PRPS2: variants seen among roughly 807,000 people sequenced by gnomAD.
PRPS2 encodes the protein phosphoribosyl pyrophosphate synthetase 2.
For synonymous variants in PRPS2, 111 were observed against 115.3 expected (o/e 0.96, Z 0.24); for missense variants, 104 against 271.5 (o/e 0.38, Z 4.34).
intron 1 of PRPS2, among the ~76,000 whole-genome samples, chrX:12,793,857 T>G (rs892039715): frequency 7.1e-5 from 8 of 112,195 alleles, no homozygotes; most frequent in Non-Finnish European, 1.5e-4. Flanking sequence ...CCTTCCAATT[T>G]TACCTTCTTA....
intron 3 of PRPS2, 54 bp downstream of exon 3, chrX:12,809,386 A>G (rs888838684): frequency 3.0e-5 from 33 of 1,090,945 alleles, no homozygotes; most frequent in Non-Finnish European, 3.8e-5. Context: ...AAATTAAATA[A>G]TCTTAGGTAA....
intron 2 of PRPS2, among the ~76,000 whole-genome samples, chrX:12,807,533 C>A (rs1281518550): frequency 1.2e-4 from 14 of 112,297 alleles, no homozygotes; most frequent in Non-Finnish European, 5.6e-5. Flanking sequence ...ATAATTCTCA[C>A]AATTAGTGAG....
rs773406393 is a variant in PRPS2, at chrX:12,791,623, G to A, written c.122+4G>A. On this transcript the variant is annotated splice_donor_region_variant and intron_variant, in intron 1 of 6. Coordinates refer to ENST00000380668, the MANE Select transcript of PRPS2 (RefSeq NM_002765.5). ...AGTTCAGCAACCAGGAGACCAGGTGGGGGCCGCGCCGGCGGCCGGGCTAGG... is the reference window on the plus strand; with the variant it reads ...AGTTCAGCAACCAGGAGACCAGGTGAGGGCCGCGCCGGCGGCCGGGCTAGG... 4 of 1,142,489 alleles carry A rather than the reference G, an allele frequency of 3.5e-6. No individual in the cohort carries two copies. The South Asian group carries it at 8.2e-5, about 23-fold the overall frequency. The allele number at this position is 1,142,489 out of a possible 1,213,427, so 94.2% of individuals were successfully genotyped here.
intron 2 of PRPS2, among the ~76,000 whole-genome samples, chrX:12,800,960 T>G (rs2042566267): frequency 8.9e-6 from 1 of 112,160 alleles, no homozygotes; most frequent in African/African-American, 3.2e-5. Context: ...AAAAGAGCAA[T>G]AGACAATATG....
At chrX:12,804,526 G>A (rs1223048801) in intron 2 of PRPS2, among the ~76,000 whole-genome samples, 1 of 111,182 alleles carries the variant, frequency 9.0e-6, no homozygotes, top group African/African-American at 3.3e-5. Flanking sequence ...GCTTTGTACT[G>A]AGAAACTGTA....
At position 12,801,234 on chromosome X, in the gene PRPS2, G is replaced by GTGTGTGTGTGTGTGTA. The variant is rs2042568293; in HGVS notation, c.306+1859_306+1860insATGTGTGTGTGTGTGT. On this transcript the variant is annotated intron_variant, in intron 2 of 6. Transcript: ENST00000380668. ...ATTGCGTGCGCACGTGTGTGTGTGTGTGTGTGTGTGTGTGTGTGTATGTGT... is the reference window on the plus strand; with the variant it reads ...ATTGCGTGCGCACGTGTGTGTGTGTGTGTGTGTGTGTGTGTATGTGTGTGTGTGTGTGTGTATGTGT... Among the ~76,000 whole-genome samples the GTGTGTGTGTGTGTGTA allele has an allele frequency of 5.6e-5, 6 of 107,952 alleles. No individual in the cohort carries two copies. In the Admixed American group the frequency reaches 6.0e-4, roughly 11 times the overall value. 93.7% of individuals were successfully genotyped at this position (107,952 alleles called of 115,157 possible). A position where few individuals can be genotyped will look rare whatever the true frequency, so the allele number is the denominator to read the frequency against.
chrX:12,808,147 G>A (rs1018399486), intron 2 of PRPS2, among the ~76,000 whole-genome samples: 1 of 111,234 alleles, frequency 9.0e-6, no homozygotes, highest in Non-Finnish European at 1.9e-5. Flanking sequence ...GATTACAGGC[G>A]TGAGCCACCG....
In PRPS2 at chrX:12,807,766, A is replaced by T. The variant is rs996392709; in HGVS notation, c.307-1468A>T. Among the ~76,000 whole-genome samples, 3 of 111,450 alleles carry T rather than the reference A, an allele frequency of 2.7e-5. No individual in the cohort carries two copies. The East Asian group carries it at 8.3e-4, about 31-fold the overall frequency. ...TTGAAAAAATAAAAAAACAAGAAAA[A>T]TATATTTTCCTATAATCTCACATTC... On this transcript the variant is annotated intron_variant, in intron 2 of 6. Transcript: ENST00000380668.
At chrX:12,806,065 G>A (rs1414217535) in intron 2 of PRPS2, among the ~76,000 whole-genome samples, 1 of 105,121 alleles carries the variant, frequency 9.5e-6, no homozygotes, top group African/African-American at 3.5e-5. Flanking sequence ...GTGACAGAGC[G>A]GGACTCCGTC....
chrX:12,800,660 A>C (rs966637382), intron 2 of PRPS2, among the ~76,000 whole-genome samples: 2 of 111,945 alleles, frequency 1.8e-5, no homozygotes, highest in Admixed American at 1.9e-4. Flanking sequence ...GTTTTCCCCA[A>C]TATGCTGCTT....
intron 4 of PRPS2, among the ~76,000 whole-genome samples, chrX:12,818,390 G>GA (rs1182747253): frequency 1.0e-5 from 1 of 97,865 alleles, no homozygotes; most frequent in Non-Finnish European, 2.1e-5. Context: ...AAAAAGAAAA[G>GA]AAAAGAAACA....
At position 12,811,967 on chromosome X, in the gene PRPS2, G is replaced by A. The variant is rs1349101514; in HGVS notation, c.530+1821G>A. On this transcript the variant is annotated intron_variant, in intron 4 of 6. Transcript: ENST00000380668. ...GGAGACACAAATATATAAAAGACGGGAGCAGAAAGTTAACTTGCAAAGACC... is the reference window on the plus strand; with the variant it reads ...GGAGACACAAATATATAAAAGACGGAAGCAGAAAGTTAACTTGCAAAGACC... Among the ~76,000 whole-genome samples, 4 of 111,915 alleles carry A rather than the reference G, an allele frequency of 3.6e-5. No homozygotes were observed. In the East Asian group the frequency reaches 1.1e-3, roughly 32 times the overall value.
At chrX:12,796,656 TA>T (rs2042545308) in intron 1 of PRPS2, among the ~76,000 whole-genome samples, 2 of 111,389 alleles carry the variant, frequency 1.8e-5, no homozygotes, top group Admixed American at 9.5e-5. Flanking sequence ...AATTCTGCCA[TA>T]ATGTGACATA....
intron 3 of PRPS2, 47 bp from the exon 4 acceptor site, chrX:12,809,975 C>G (rs755974765): frequency 8.5e-5 from 92 of 1,084,984 alleles, no homozygotes; most frequent in East Asian, 1.7e-4. Flanking sequence ...CAAAAGAAAA[C>G]AAAACAAAAC....
At chrX:12,799,671 A>G (rs2042560071) in intron 2 of PRPS2, among the ~76,000 whole-genome samples, 1 of 112,108 alleles carries the variant, frequency 8.9e-6, no homozygotes, top group African/African-American at 3.2e-5. Flanking sequence ...GGTGGATAGA[A>G]CTAAATACAC....
Position 12,822,826 on chromosome X carries a change from A to G in PRPS2, c.*30A>G. 8.7e-7 allele frequency: 1 copy of G among 1,150,581 alleles called. No homozygotes were observed. The allele number at this position is 1,150,581 out of a possible 1,213,427, so 94.8% of individuals were successfully genotyped here. A position where few individuals can be genotyped will look rare whatever the true frequency, so the allele number is the denominator to read the frequency against. ...AGAATGGGAAGTGTCCAGCAAGCCT[A>G]CTCTGACTTCTGACTTGTTTTTGTT... is the stretch of plus-strand genomic sequence containing the variant. On this transcript the variant is annotated 3_prime_UTR_variant, in exon 7 of 7. Transcript: ENST00000380668.
intron 4 of PRPS2, among the ~76,000 whole-genome samples, chrX:12,810,865 G>A (rs866296238): frequency 5.0e-5 from 5 of 100,004 alleles, no homozygotes; most frequent in African/African-American, 2.2e-4. Context: ...AAAAAAAAAA[G>A]AAGAAGAAGA....
chrX:12,819,738 A>C, intron 5 of PRPS2, 58 bp downstream of exon 5: 1 of 1,129,419 alleles, frequency 8.9e-7, no homozygotes, highest in Non-Finnish European at 1.2e-6. Context: ...GAAACACATC[A>C]GCTTTTAGAA....
Position 12,805,164 on chromosome X carries a change from A to AT in PRPS2, c.307-4069dup, listed in dbSNP as rs1198608789. Among the ~76,000 whole-genome samples, 5 of 112,376 alleles carry AT rather than the reference A, an allele frequency of 4.4e-5. No individual in the cohort carries two copies. In the South Asian group the frequency reaches 1.8e-3, roughly 41 times the overall value. On this transcript the variant is annotated intron_variant, in intron 2 of 6. Coordinates refer to ENST00000380668, the MANE Select transcript of PRPS2 (RefSeq NM_002765.5). ...AATTAGGACACATCCATACAATGTAATGTTAACATAGAAAAATAATGATGA... is the reference window on the plus strand; with the variant it reads ...AATTAGGACACATCCATACAATGTAATTGTTAACATAGAAAAATAATGATGA...
Sources: gnomAD v4.1 joint callset for allele counts (sites outside exome capture counted in the v4.1 genomes callset) on GRCh38, gnomAD v4.1.1 for gene constraint, MANE v1.5 for transcripts, NCBI Gene and HGNC (gene_info 2026-07-23, HGNC 2026-07-21) for gene names.